IQSEC1: variants seen among roughly 807,000 people sequenced by gnomAD.
IQSEC1 encodes the protein IQ motif and Sec7 domain ArfGEF 1, also known as IQ motif and SEC7 domain-containing protein 1.
A neutral mutation model predicts 91.0 loss-of-function variants in IQSEC1; 31 were observed. The ratio of observed to expected loss-of-function variants is 0.34; its 90% CI spans 0.26 to 0.46. The LOEUF (loss-of-function observed/expected upper bound fraction) is 0.46. Ranked by LOEUF, IQSEC1 falls within the 20% of genes least tolerant of loss-of-function variation. IQSEC1 has a pLI of 1.00. For synonymous variants in IQSEC1, 699 were observed against 662.6 expected (o/e 1.05, Z -0.84); for missense variants, 1,388 against 1,575.6 (o/e 0.88, Z 2.02).
At chr3:13,204,055 A>G (rs1020288005) in intron 1 of IQSEC1, among the ~76,000 whole-genome samples, 1 of 152,172 alleles carries the variant, frequency 6.6e-6, no homozygotes, top group African/African-American at 2.4e-5. Flanking sequence ...AACCCCCTCC[A>G]GGGTGGGGCT....
At chr3:13,064,289 C>T (rs1410821669) in intron 1 of IQSEC1, among the ~76,000 whole-genome samples, 1 of 152,200 alleles carries the variant, frequency 6.6e-6, no homozygotes, top group Non-Finnish European at 1.5e-5. Context: ...TGTCCAGCAC[C>T]CCGCTCCTTA....
In IQSEC1 at chr3:12,922,374, C is replaced by T. The variant is rs1159852135; in HGVS notation, c.1731-132G>A. On this transcript the variant is annotated intron_variant, in intron 4 of 13. Coordinates refer to ENST00000613206, the MANE Select transcript of IQSEC1 (RefSeq NM_001134382.3). The surrounding 1 kb of genome is among the most constrained non-coding windows in gnomAD (Gnocchi z 5.1). ...GGCAGGGAGAGCCCCTGCCTGACTC[C>T]GACCAATCAGCCAAGAGCCCTCAGA... The T allele has an allele frequency of 1.4e-5, 16 of 1,145,176 alleles. No homozygotes were observed. The highest frequency in any genetic ancestry group is 2.4e-4 in the Middle Eastern group (1 of 4,178). The allele number at this position is 1,145,176 out of a possible 1,614,324, so 70.9% of individuals were successfully genotyped here.
chr3:13,073,733 C>T (rs1705512925), upstream of IQSEC1, among the ~76,000 whole-genome samples: 1 of 152,244 alleles, frequency 6.6e-6, no homozygotes, highest in African/African-American at 2.4e-5. Context: ...ACACGCGAGC[C>T]GCGGAGCTCT....
At chr3:13,159,659 C>T (rs1707136977) in intron 2 of IQSEC1, among the ~76,000 whole-genome samples, 1 of 151,556 alleles carries the variant, frequency 6.6e-6, no homozygotes, top group African/African-American at 2.4e-5. Flanking sequence ...CCAATAATAA[C>T]TCTCTTACAA....
intron 1 of IQSEC1, among the ~76,000 whole-genome samples, chr3:13,056,300 A>G (rs1704878735): frequency 1.3e-5 from 2 of 152,040 alleles, no homozygotes; most frequent in Admixed American, 1.3e-4. Flanking sequence ...AGCCCTCCCA[A>G]CCTCATGTCC....
chr3:13,212,524 G>A (rs1035044263), intron 1 of IQSEC1, among the ~76,000 whole-genome samples: 1 of 152,220 alleles, frequency 6.6e-6, no homozygotes, highest in African/African-American at 2.4e-5. Context: ...CTCCTGGGTA[G>A]AGGCCCTGGA....
intron 3 of IQSEC1, among the ~76,000 whole-genome samples, chr3:12,928,394 G>A (rs995327063): frequency 6.6e-6 from 1 of 152,226 alleles, no homozygotes; most frequent in Non-Finnish European, 1.5e-5. Flanking sequence ...GGGGGCCTAG[G>A]CCGGTGATGA....
chr3:12,984,499 G>A (rs1350527758), intron 1 of IQSEC1, among the ~76,000 whole-genome samples: 2 of 152,170 alleles, frequency 1.3e-5, no homozygotes, highest in Non-Finnish European at 2.9e-5. Context: ...AGTGCCTGGA[G>A]TTCTGCCCCA....
intron 1 of IQSEC1, among the ~76,000 whole-genome samples, chr3:13,064,015 AC>A (rs1425248940): frequency 4.0e-5 from 6 of 149,984 alleles, no homozygotes; most frequent in African/African-American, 1.2e-4. Flanking sequence ...AAAAAAAAAA[AC>A]AAAAAACAAT....
intron 1 of IQSEC1, among the ~76,000 whole-genome samples, chr3:12,957,720 G>A (rs1397999057): frequency 6.6e-6 from 1 of 152,212 alleles, no homozygotes; most frequent in African/African-American, 2.4e-5. Context: ...GGCCATCTTG[G>A]CCCAGACAAT....
intron 1 of IQSEC1, among the ~76,000 whole-genome samples, chr3:13,265,890 T>TA (rs56803844): frequency 1.2e-3 from 140 of 121,446 alleles, no homozygotes; most frequent in African/African-American, 2.4e-3. Context: ...TACGGGCATT[T>TA]AAAAAAAAAA....
Position 12,909,122 on chromosome 3 carries a change from A to T in IQSEC1, c.2578+151T>A. ...TGTGCCTCCTGCAGCCTGGGAACACAGACTGCCCCATCATGTGGCCATAGG... is the reference window on the plus strand; with the variant it reads ...TGTGCCTCCTGCAGCCTGGGAACACTGACTGCCCCATCATGTGGCCATAGG... On this transcript the variant is annotated intron_variant, in intron 11 of 13. Transcript: ENST00000613206. The surrounding 1 kb of genome is among the most constrained non-coding windows in gnomAD (Gnocchi z 4.9). 1.3e-6 allele frequency: 1 copy of T among 794,914 alleles called. No homozygotes were observed. The highest frequency in any genetic ancestry group is 1.7e-5 in the South Asian group (1 of 58,486). 49.2% of individuals were successfully genotyped at this position (794,914 alleles called of 1,614,324 possible).
chr3:13,168,742 T>A (rs1693547186), intron 1 of IQSEC1, among the ~76,000 whole-genome samples: 1 of 152,220 alleles, frequency 6.6e-6, no homozygotes, highest in Admixed American at 6.5e-5. Context: ...GTCCTGTCCC[T>A]GGCTTTTGAT....
chr3:13,136,365 C>T (rs1004681274), intron 2 of IQSEC1, among the ~76,000 whole-genome samples: 4 of 152,194 alleles, frequency 2.6e-5, no homozygotes, highest in Non-Finnish European at 5.9e-5. Context: ...AACTATCTTT[C>T]CAAATTGGGG....
At chr3:13,269,241 C>A (rs1695551468) in intron 1 of IQSEC1, among the ~76,000 whole-genome samples, 1 of 152,218 alleles carries the variant, frequency 6.6e-6, no homozygotes, top group Non-Finnish European at 1.5e-5. Context: ...GACAGCCAGG[C>A]AGGAGCGAGG....
chr3:13,209,784 C>T (rs1576296191), intron 1 of IQSEC1, among the ~76,000 whole-genome samples: 2 of 152,176 alleles, frequency 1.3e-5, no homozygotes, highest in East Asian at 3.8e-4. Context: ...GGAGGATGGG[C>T]CAGTTCTGGA....
chr3:13,002,214 G>C (rs1702449944), intron 1 of IQSEC1, among the ~76,000 whole-genome samples: 1 of 152,168 alleles, frequency 6.6e-6, no homozygotes, highest in Non-Finnish European at 1.5e-5. Flanking sequence ...CTAAATGAAA[G>C]AGTTAAAACT....
At position 12,922,029 on chromosome 3, in the gene IQSEC1, G is replaced by T; in HGVS notation, c.1853+91C>A. ...ACACCTGGCCCTGTCTAGGGATGGTGGGGATGCAGTCTTTGGTCCATCCTC... is the reference window on the plus strand; with the variant it reads ...ACACCTGGCCCTGTCTAGGGATGGTTGGGATGCAGTCTTTGGTCCATCCTC... On this transcript the variant is annotated intron_variant, in intron 5 of 13. Transcript: ENST00000613206. The surrounding 1 kb of genome is among the most constrained non-coding windows in gnomAD (Gnocchi z 5.1). 7.0e-7 allele frequency: 1 copy of T among 1,428,580 alleles called. No individual in the cohort carries two copies. The highest frequency in any genetic ancestry group is 9.3e-7 in the Non-Finnish European group (1 of 1,070,904). The allele number at this position is 1,428,580 out of a possible 1,614,324, so 88.5% of individuals were successfully genotyped here. A position where few individuals can be genotyped will look rare whatever the true frequency, so the allele number is the denominator to read the frequency against.
At chr3:13,108,730 G>A (rs1706193529) in intron 2 of IQSEC1, among the ~76,000 whole-genome samples, 1 of 152,190 alleles carries the variant, frequency 6.6e-6, no homozygotes, top group Non-Finnish European at 1.5e-5. Flanking sequence ...ATTTGGGTCT[G>A]CTTAGCATGG....
Sources: allele counts gnomAD v4.1 joint callset (sites outside exome capture counted in the v4.1 genomes callset), GRCh38; gene constraint gnomAD v4.1.1; non-coding constraint Gnocchi (gnomAD v3.1); transcripts MANE v1.5; gene names NCBI Gene and HGNC (gene_info 2026-07-23, HGNC 2026-07-21).